Variants in RNF135 observed in about 807,000 individuals in gnomAD.
RNF135 encodes the protein E3 ubiquitin-protein ligase RNF135.
A neutral mutation model predicts 41.9 loss-of-function variants in RNF135; 46 were observed. That is an observed-to-expected ratio of 1.10 (90% CI 0.87 to 1.40). RNF135 has a LOEUF of 1.40. Among genes scored for constraint, RNF135 ranks in the 40% most tolerant of loss-of-function variants. RNF135 has a pLI of 0.00. For synonymous variants in RNF135, 238 were observed against 223.8 expected, an observed-to-expected ratio of 1.06 and a Z score of -0.57; for missense variants, 539 against 549.8, an observed-to-expected ratio of 0.98 and a Z score of 0.20.
intron 1 of RNF135, among the ~76,000 whole-genome samples, chr17:30,977,296 T>C (rs1294106124): frequency 6.6e-6 from 1 of 152,220 alleles, no homozygotes; most frequent in Non-Finnish European, 1.5e-5. Context: ...TATCTTATAC[T>C]ATCTATATGT....
At chr17:30,995,248 T>C (rs1438098881) in intron 3 of RNF135, among the ~76,000 whole-genome samples, 3 of 151,964 alleles carry the variant, frequency 2.0e-5, no homozygotes, top group Non-Finnish European at 2.9e-5. Flanking sequence ...ATTAGCTGGG[T>C]GTGGTGGTGG....
the RNF135 span, among the ~76,000 whole-genome samples, chr17:30,960,546 G>C: frequency 2.0e-5 from 3 of 151,974 alleles, no homozygotes; most frequent in African/African-American, 4.8e-5. Context: ...GGGTGACAGA[G>C]TGAGACTCTG....
the RNF135 span, chr17:30,959,623 T>C: frequency 6.6e-6 from 1 of 152,042 alleles, no homozygotes; most frequent in African/African-American, 2.4e-5. Context: ...GGAAGATCAT[T>C]TGAGCCCAGG....
chr17:30,970,824 C>T (rs1339938752), upstream of RNF135: 2 of 565,574 alleles, frequency 3.5e-6, no homozygotes, highest in Non-Finnish European at 6.2e-6. Context: ...TCTAGCAGCT[C>T]GCGGCATGTT....
chr17:30,982,202 G>C (rs1161514915), intron 1 of RNF135, among the ~76,000 whole-genome samples: 1 of 152,228 alleles, frequency 6.6e-6, no homozygotes, highest in Non-Finnish European at 1.5e-5. Context: ...AGGAGTTGCA[G>C]TCCTTGTGGC....
the RNF135 span, chr17:30,965,243 G>C: frequency 6.6e-6 from 1 of 152,142 alleles, no homozygotes; most frequent in Non-Finnish European, 1.5e-5. Context: ...CTATTTGTGG[G>C]ACTGAAGCGA....
chr17:30,963,681 C>T, the RNF135 span, among the ~76,000 whole-genome samples: 1 of 152,114 alleles, frequency 6.6e-6, no homozygotes, highest in Non-Finnish European at 1.5e-5. Context: ...ATATTTTCTT[C>T]CAGTCCATAG....
Position 30,998,644 on chromosome 17 carries a change from CTTT to C in RNF135, c.770-9_770-7del. 1.6e-6 allele frequency: 2 copies of C among 1,226,990 alleles called. No individual in the cohort carries two copies. The highest frequency in any genetic ancestry group is 1.4e-5 in the South Asian group (1 of 70,522). 76.0% of individuals were successfully genotyped at this position (1,226,990 alleles called of 1,614,324 possible). On this transcript the variant is annotated splice_polypyrimidine_tract_variant and intron_variant, in intron 4 of 4. Coordinates refer to ENST00000328381, the MANE Select transcript of RNF135 (RefSeq NM_032322.4). ...GATGACCGGCCATGTTCTTATTGTT[CTTT>C]TTTTTTTTCCAAAGGGGCCATCCAT...
chr17:30,982,345 T>C (rs1288891194), intron 1 of RNF135, among the ~76,000 whole-genome samples: 2 of 152,178 alleles, frequency 1.3e-5, no homozygotes, highest in Admixed American at 6.5e-5. Context: ...ATCTAAATGC[T>C]CCCTCTGTGG....
chr17:30,967,636 G>A (rs898482103), upstream of RNF135, among the ~76,000 whole-genome samples: 1 of 151,930 alleles, frequency 6.6e-6, no homozygotes, highest in African/African-American at 2.4e-5. Flanking sequence ...TATTGCTTTG[G>A]AATGTAATTC....
chr17:30,967,185 T>C (rs551863291), upstream of RNF135, among the ~76,000 whole-genome samples: 24 of 152,176 alleles, frequency 1.6e-4, no homozygotes, highest in African/African-American at 5.8e-4. Context: ...CAGGCCACCA[T>C]GCCCAGCTAA....
chr17:30,983,344 TA>T lies in RNF135; in HGVS notation c.373-1272del, dbSNP rs57848212. Among the ~76,000 whole-genome samples the T allele has an allele frequency of 6.9e-3, 249 of 35,852 alleles. 3 individuals carry two copies. The highest frequency in any genetic ancestry group is 0.012 in the African/African-American group (129 of 10,454). 23.5% of individuals were successfully genotyped at this position (35,852 alleles called of 152,430 possible). A position where few individuals can be genotyped will look rare whatever the true frequency, so the allele number is the denominator to read the frequency against. ...ACATATATATATATATATATATATA[TA>T]TATATATATTTTTTTTTTTTTTTTT... On this transcript the variant is annotated intron_variant, in intron 1 of 4. Coordinates refer to ENST00000328381, the MANE Select transcript of RNF135 (RefSeq NM_032322.4).
rs1325727581 is a variant in RNF135 at position 30,998,974 on chromosome 17, A to G, written c.1082A>G (p.His361Arg). 6.2e-7 allele frequency: 1 copy of G among 1,614,040 alleles called. No homozygotes were observed. Among genetic ancestry groups the G allele is most frequent in the Non-Finnish European group, 8.5e-7 (1 of 1,180,020 alleles). ...GGGACTAGCCAGCTCTCTGCATGGC[A>G]CATGGTCAAGGAAACTGTCCTTGGC... ...WKGTSQLSAW[H>R]MVKETVLGSD... The change falls in exon 5 of 5, where the codon CAC becomes CGC. Residue 361 changes from histidine (H) to arginine (R), a missense_variant. Coordinates refer to ENST00000328381, the MANE Select transcript of RNF135 (RefSeq NM_032322.4).
chr17:30,979,411 G>GCC (rs1246230439), intron 1 of RNF135, among the ~76,000 whole-genome samples: 1 of 116,462 alleles, frequency 8.6e-6, no homozygotes, highest in Non-Finnish European at 1.8e-5. Flanking sequence ...GCCGGGCAGA[G>GCC]GGGTCCTCAC....
At chr17:30,988,247 G>A in intron 3 of RNF135, 141 bp downstream of exon 3, 1 of 800,492 alleles carries the variant, frequency 1.2e-6, no homozygotes, top group Non-Finnish European at 2.1e-6. Context: ...TCAGGTAGGG[G>A]TGGGCTGAAG....
intron 1 of RNF135, among the ~76,000 whole-genome samples, chr17:30,982,130 G>A (rs573122778): frequency 6.6e-4 from 100 of 152,314 alleles, no homozygotes; most frequent in Middle Eastern, 6.8e-3. Context: ...TCCCTTCATG[G>A]TGGCACATTC....
chr17:30,996,957 G>T (rs1379700693), intron 3 of RNF135, among the ~76,000 whole-genome samples: 1 of 152,134 alleles, frequency 6.6e-6, no homozygotes, highest in Non-Finnish European at 1.5e-5. Flanking sequence ...CTATCTATGG[G>T]ACTGGCATGG....
chr17:30,975,372 A>G (rs2142666163), intron 1 of RNF135: 1 of 753,430 alleles, frequency 1.3e-6, no homozygotes, highest in East Asian at 2.4e-5. Context: ...CCAGGCACAC[A>G]TCTGGATTAG....
chr17:30,974,688 A>ATTT (rs887519982), intron 1 of RNF135, among the ~76,000 whole-genome samples: 1 of 145,314 alleles, frequency 6.9e-6, no homozygotes, highest in African/African-American at 2.5e-5. Flanking sequence ...TATTATTATT[A>ATTT]TTTTTTTTTG....
Sources: gnomAD v4.1 joint callset for allele counts (sites outside exome capture counted in the v4.1 genomes callset) on GRCh38, gnomAD v4.1.1 for gene constraint, MANE v1.5 for transcripts, NCBI Gene and HGNC (gene_info 2026-07-23, HGNC 2026-07-21) for gene names.